The following BST1 variants were observed in gnomAD, a reference collection of about 807,000 sequenced individuals.
BST1 encodes bone marrow stromal cell antigen 1, also known as ADP-ribosyl cyclase/cyclic ADP-ribose hydrolase 2.
Under a neutral mutation model 40.6 loss-of-function variants are expected in BST1, and 49 were observed. The ratio of observed to expected loss-of-function variants is 1.21; its 90% CI spans 0.96 to 1.53. The LOEUF is 1.53. Among genes scored for constraint, BST1 ranks in the 40% most tolerant of loss-of-function variants. The pLI, the probability that BST1 is intolerant of heterozygous loss-of-function variation, is 0.00. For synonymous variants in BST1, 157 were observed against 159.3 expected, an observed-to-expected ratio of 0.99 and a Z score of 0.11; for missense variants, 423 against 395.9, an observed-to-expected ratio of 1.07 and a Z score of -0.58.
chr4:15,751,214 A>G, the BST1 span, among the ~76,000 whole-genome samples: 1 of 152,174 alleles, frequency 6.6e-6, no homozygotes, highest in Admixed American at 6.5e-5. Flanking sequence ...AATTTGTCAC[A>G]AGAGTGGGGT....
chr4:15,718,033 T>A (rs943612680), intron 6 of BST1, among the ~76,000 whole-genome samples: 2 of 152,248 alleles, frequency 1.3e-5, no homozygotes, highest in Non-Finnish European at 2.9e-5. Context: ...GACTTATAGC[T>A]TATCTGCTTT....
At chr4:15,705,687 C>G in intron 2 of BST1, 46 bp downstream of exon 2, 2 of 1,606,104 alleles carry the variant, frequency 1.2e-6, no homozygotes, top group Middle Eastern at 3.3e-4. Flanking sequence ...TCTGTCTCTA[C>G]AGAAATGGAT....
At chr4:15,755,148 T>A in the BST1 span, among the ~76,000 whole-genome samples, 1 of 152,212 alleles carries the variant, frequency 6.6e-6, no homozygotes, top group Admixed American at 6.5e-5. Context: ...TTTATTTTTT[T>A]ATTTTTTTGA....
At chr4:15,709,027 T>C (rs1393842873) in intron 3 of BST1, among the ~76,000 whole-genome samples, 2 of 152,148 alleles carry the variant, frequency 1.3e-5, no homozygotes, top group African/African-American at 2.4e-5. Flanking sequence ...AACATGAAAT[T>C]AATACCCCAT....
chr4:15,756,517 G>A, the BST1 span, among the ~76,000 whole-genome samples: 22 of 152,340 alleles, frequency 1.4e-4, no homozygotes, highest in Non-Finnish European at 2.9e-4. Context: ...GACCTGGGTG[G>A]AGATTAGTTG....
At chr4:15,773,026 A>G in the BST1 span, among the ~76,000 whole-genome samples, 1 of 152,182 alleles carries the variant, frequency 6.6e-6, no homozygotes, top group African/African-American at 2.4e-5. Context: ...GTGACTTGGA[A>G]AAAAAACCCC....
the BST1 span, chr4:15,743,436 C>A: frequency 7.9e-6 from 2 of 252,562 alleles, no homozygotes; most frequent in Non-Finnish European, 8.0e-6. Context: ...TCCAAGGAGG[C>A]AGTTCACAAT....
At chr4:15,710,797 T>C (rs1720157594) in intron 3 of BST1, among the ~76,000 whole-genome samples, 2 of 147,692 alleles carry the variant, frequency 1.4e-5, no homozygotes, top group Non-Finnish European at 3.0e-5. Context: ...ATTTTCTTTC[T>C]TTTTTTTTTT....
At chr4:15,737,989 A>G in exon 7 of BST1, 1 of 368,390 alleles carries the variant, frequency 2.7e-6, no homozygotes, top group South Asian at 2.1e-5. Context: ...ATGGACTCCC[A>G]AATATTTAGG....
chr4:15,743,598 G>A, the BST1 span: 1 of 321,934 alleles, frequency 3.1e-6, no homozygotes, highest in Non-Finnish European at 6.0e-6. Flanking sequence ...AGCCTCTGCG[G>A]GAAGCTCTTC....
Position 15,703,217 on chromosome 4 carries a change from C to A in BST1, c.73C>A (p.Leu25Met), listed in dbSNP as rs1413065784. 1.3e-6 allele frequency: 2 copies of A among 1,550,210 alleles called. No individual in the cohort carries two copies. The highest frequency in any genetic ancestry group is 1.2e-5 in the South Asian group (1 of 84,526). The change falls in exon 1 of 9, where the codon CTG becomes ATG. Residue 25 changes from leucine to methionine, a missense_variant. Leu to Met is a conservative substitution (Grantham distance 15). Coordinates refer to ENST00000265016, the MANE Select transcript of BST1 (RefSeq NM_004334.3). ...LLQLLLLLLLLAAGGARARWR... is the reference protein window; with the variant it reads ...LLQLLLLLLLMAAGGARARWR... ...GCAGCTTCTGCTTCTACTGTTGCTG[C>A]TGGCGGCGGGCGGGGCGCGCGCGCG...
the BST1 span, among the ~76,000 whole-genome samples, chr4:15,769,087 A>C: frequency 1.3e-5 from 2 of 152,200 alleles, no homozygotes; most frequent in African/African-American, 2.4e-5. Flanking sequence ...AAAAAAAAAC[A>C]AGAATTATGT....
chr4:15,710,307 A>G (rs1360897086), intron 3 of BST1, among the ~76,000 whole-genome samples: 1 of 151,976 alleles, frequency 6.6e-6, no homozygotes, highest in African/African-American at 2.4e-5. Flanking sequence ...TTTATTTTTG[A>G]TTTACTCAAA....
At chr4:15,768,421 C>T in the BST1 span, among the ~76,000 whole-genome samples, 1 of 150,330 alleles carries the variant, frequency 6.7e-6, no homozygotes, top group Non-Finnish European at 1.5e-5. Flanking sequence ...TTGTTGTATA[C>T]TGTTAATGAT....
At chr4:15,766,435 A>G in the BST1 span, among the ~76,000 whole-genome samples, 2 of 151,898 alleles carry the variant, frequency 1.3e-5, no homozygotes, top group Non-Finnish European at 2.9e-5. Context: ...TCCTGTCTTT[A>G]CTCTGATGAA....
chr4:15,703,093 G>A lies in BST1; in HGVS notation c.-52G>A. ...AGTTTGCGGAACCGCCTTGGTAGAA[G>A]GAGAGAAGGGGAGTGGAGGAAGCAC... On this transcript the variant is annotated 5_prime_UTR_variant, in exon 1 of 9. Transcript: ENST00000265016. The A allele has an allele frequency of 6.6e-7, 1 of 1,515,246 alleles. No individual in the cohort carries two copies. The highest frequency in any genetic ancestry group is 8.8e-7 in the Non-Finnish European group (1 of 1,140,028). 93.9% of individuals were successfully genotyped at this position (1,515,246 alleles called of 1,614,324 possible). A position where few individuals can be genotyped will look rare whatever the true frequency, so the allele number is the denominator to read the frequency against.
In BST1 at chr4:15,713,206, C is replaced by CTT. The variant is rs34681185; in HGVS notation, c.534+1337_534+1338dup. Reference sequence around the variant, plus strand: ...CAGTCATTATTTTAAATATTTTCATCTTTTTTTTTTTTTTTTTTTTTGAGA... The same window carrying CTT: ...CAGTCATTATTTTAAATATTTTCATCTTTTTTTTTTTTTTTTTTTTTTTGAGA... On this transcript the variant is annotated intron_variant, in intron 4 of 8. Transcript: ENST00000265016. Among the ~76,000 whole-genome samples, 1,125 of 114,680 alleles carry CTT rather than the reference C, an allele frequency of 9.8e-3. 27 individuals carry two copies. The highest frequency in any genetic ancestry group is 0.015 in the African/African-American group (469 of 30,446). The allele number at this position is 114,680 out of a possible 152,430, so 75.2% of individuals were successfully genotyped here. A position where few individuals can be genotyped will look rare whatever the true frequency, so the allele number is the denominator to read the frequency against.
intron 1 of BST1, among the ~76,000 whole-genome samples, chr4:15,703,717 G>T (rs73115624): frequency 0.28 from 35,678 of 127,410 alleles, 5,121 homozygotes; most frequent in East Asian, 0.43. Context: ...TAGAGGTGGG[G>T]GTGTGTGTGT....
the BST1 span, among the ~76,000 whole-genome samples, chr4:15,760,024 A>G: frequency 1.3e-5 from 2 of 152,010 alleles, no homozygotes; most frequent in African/African-American, 2.4e-5. Context: ...TGACTATCAC[A>G]CAAGTTTAGA....
Sources: allele counts gnomAD v4.1 joint callset (sites outside exome capture counted in the v4.1 genomes callset), GRCh38; gene constraint gnomAD v4.1.1; transcripts MANE v1.5; gene names NCBI Gene and HGNC (gene_info 2026-07-23, HGNC 2026-07-21).